Variants in DMD observed in about 807,000 individuals in gnomAD.
DMD encodes mutant dystrophin.
In DMD, 63 loss-of-function variants were observed where a neutral mutation model predicts 330.1. The ratio of observed to expected loss-of-function variants is 0.19; its 90% confidence interval spans 0.16 to 0.24. The LOEUF is 0.24. DMD is among the 10% of genes least tolerant of loss of function. DMD has a pLI of 1.00. For synonymous variants in DMD, 1,223 were observed against 959.8 expected (o/e 1.27, Z -5.07); for missense variants, 3,344 against 2,684.1 (o/e 1.25, Z -5.43).
At chrX:31,449,763 GATATATATATATATATATATAT>G (rs59787771) in intron 59 of DMD, among the ~76,000 whole-genome samples, 2 of 62,472 alleles carry the variant, frequency 3.2e-5, no homozygotes, top group African/African-American at 5.4e-5. Flanking sequence ...TAAATGGTGT[GATATATATATATATATATATAT>G]ATATATATAT....
At chrX:32,594,348 A>C (rs2055277288) in intron 13 of DMD, among the ~76,000 whole-genome samples, 1 of 111,277 alleles carries the variant, frequency 9.0e-6, no homozygotes, top group Admixed American at 9.6e-5. Context: ...GGATGAAGGA[A>C]TTGTGGTGAT....
intron 1 of DMD, among the ~76,000 whole-genome samples, chrX:33,301,107 G>T (rs984456029): frequency 1.2e-4 from 13 of 111,398 alleles, no homozygotes; most frequent in African/African-American, 3.9e-4. Flanking sequence ...AAAGCAGGAG[G>T]TTAAAATAAC....
chrX:32,897,226 A>C lies in DMD; in HGVS notation c.94-47406T>G, dbSNP rs146498750. 3.5e-3 allele frequency among the ~76,000 whole-genome samples: 392 copies of C among 111,653 alleles called. 2 individuals carry two copies. Among genetic ancestry groups the C allele is most frequent in the African/African-American group, 0.012 (364 of 30,741 alleles). On this transcript the variant is annotated intron_variant, in intron 2 of 78. Coordinates refer to ENST00000357033, the MANE Select transcript of DMD (RefSeq NM_004006.3). ...ATAAATTTCTTAATTCATTGTAAAAAATATTAATGGTGACCAAAATTTTAA... is the reference window on the plus strand; with the variant it reads ...ATAAATTTCTTAATTCATTGTAAAACATATTAATGGTGACCAAAATTTTAA...
At chrX:31,360,556 G>C (rs772768948) in intron 60 of DMD, among the ~76,000 whole-genome samples, 13 of 112,480 alleles carry the variant, frequency 1.2e-4, no homozygotes, top group African/African-American at 4.2e-4. Context: ...AGCGAAGAGA[G>C]GATAAGCTGC....
rs1006755666 is a variant in DMD, at chrX:31,318,294, T to C, written c.9224+5304A>G. On this transcript the variant is annotated intron_variant, in intron 62 of 78. Coordinates refer to ENST00000357033, the MANE Select transcript of DMD (RefSeq NM_004006.3). ...CCAACAGGATACAGAGAGCCACATA[T>C]ACCAAAAGGTAAATCTAGACAGATG... Among the ~76,000 whole-genome samples the C allele has an allele frequency of 3.6e-5, 4 of 111,646 alleles. No individual in the cohort carries two copies. The East Asian group carries it at 1.1e-3, about 31-fold the overall frequency.
At chrX:32,733,256 C>T (rs1349804739) in intron 7 of DMD, among the ~76,000 whole-genome samples, 3 of 110,995 alleles carry the variant, frequency 2.7e-5, no homozygotes, top group Non-Finnish European at 5.7e-5. Flanking sequence ...CACCCAGATT[C>T]ATAAAGCAAG....
intron 1 of DMD, among the ~76,000 whole-genome samples, chrX:33,106,316 A>T (rs751889758): frequency 1.8e-3 from 199 of 111,115 alleles, no homozygotes; most frequent in Non-Finnish European, 2.9e-3. Context: ...AAAAAACTAC[A>T]TATTGGGTAC....
intron 1 of DMD, among the ~76,000 whole-genome samples, chrX:33,066,797 C>T (rs1340759878): frequency 1.8e-5 from 2 of 111,675 alleles, no homozygotes; most frequent in Non-Finnish European, 3.8e-5. Context: ...TTAACACCAA[C>T]GATTATGTCA....
intron 50 of DMD, among the ~76,000 whole-genome samples, chrX:31,817,400 T>C (rs6631408): frequency 0.36 from 39,654 of 109,871 alleles, 5,105 homozygotes; most frequent in East Asian, 0.45. Flanking sequence ...ATATTTGAAC[T>C]ACCACAGTAA....
At chrX:31,375,289 T>C (rs1054405322) in intron 60 of DMD, among the ~76,000 whole-genome samples, 3 of 111,866 alleles carry the variant, frequency 2.7e-5, no homozygotes, top group African/African-American at 9.8e-5. Context: ...GCAGCCATAA[T>C]TGCAACTGCA....
intron 47 of DMD, among the ~76,000 whole-genome samples, chrX:31,893,250 T>C (rs1270556443): frequency 8.9e-6 from 1 of 112,017 alleles, no homozygotes; most frequent in African/African-American, 3.2e-5. Flanking sequence ...AAATAGTAGC[T>C]TGTCTTGAAC....
chrX:32,975,090 C>A (rs2092500272), intron 2 of DMD, among the ~76,000 whole-genome samples: 1 of 111,064 alleles, frequency 9.0e-6, no homozygotes, highest in African/African-American at 3.3e-5. Flanking sequence ...TAATCAGGAA[C>A]CAGTGGAAAA....
chrX:32,399,484 T>A (rs893572765), intron 30 of DMD, among the ~76,000 whole-genome samples: 6 of 111,693 alleles, frequency 5.4e-5, no homozygotes, highest in Non-Finnish European at 9.4e-5. Context: ...GAAAAGGGTC[T>A]CAATATCACT....
At position 32,343,150 on chromosome X, in the gene DMD, T is replaced by A. The variant is rs145266970; in HGVS notation, c.5723A>T (p.Asp1908Val). 2.9e-4 allele frequency: 350 copies of A among 1,208,985 alleles called. No individual in the cohort carries two copies. Among genetic ancestry groups the A allele is most frequent in the Non-Finnish European group, 3.7e-4 (330 of 894,568 alleles). The change falls in exon 40 of 79, where the codon GAT becomes GTT. Residue 1908 changes from aspartate (D) to valine (V), a missense_variant. Physicochemically the swap from Asp to Val is radical, Grantham distance 152. Transcript: ENST00000357033. ...KKLASLPEPR[D>V]ERKIKEIDRE... ...CAACATTACCTTTATTTTCCTTTCATCTCTGGGCTCAGGTAGGCTGGCTAA... is the reference window on the plus strand; with the variant it reads ...CAACATTACCTTTATTTTCCTTTCAACTCTGGGCTCAGGTAGGCTGGCTAA...
At chrX:31,160,550 T>G (rs1172034920) in intron 74 of DMD, among the ~76,000 whole-genome samples, 1 of 111,799 alleles carries the variant, frequency 8.9e-6, no homozygotes, top group Non-Finnish European at 1.9e-5. Context: ...TACCAAAGTG[T>G]GTTCCATATA....
chrX:32,796,115 ATG>A (rs34046978), intron 7 of DMD, among the ~76,000 whole-genome samples: 45,034 of 109,941 alleles, frequency 0.41, 7,106 homozygotes, highest in Non-Finnish European at 0.48. Context: ...ATAAGTATAT[ATG>A]TAAAGGGAAA....
intron 1 of DMD, among the ~76,000 whole-genome samples, chrX:33,286,130 A>G (rs750903813): frequency 1.8e-5 from 2 of 111,816 alleles, no homozygotes; most frequent in East Asian, 5.6e-4. Context: ...CATTTGGTAC[A>G]TAATCTGAAT....
At chrX:32,960,151 C>G (rs774246141) in intron 2 of DMD, 1 of 111,941 alleles carries the variant, frequency 8.9e-6, no homozygotes, top group Non-Finnish European at 1.9e-5. Flanking sequence ...AAGTCTCAAC[C>G]GATGATTTAG....
intron 50 of DMD, among the ~76,000 whole-genome samples, chrX:31,818,171 C>T (rs60905997): frequency 0.015 from 1,722 of 111,971 alleles, 31 homozygotes; most frequent in African/African-American, 0.053. Context: ...AATCTGTAGA[C>T]TACACTCTAC....
Sources: allele counts gnomAD v4.1 joint callset (sites outside exome capture counted in the v4.1 genomes callset), GRCh38; gene constraint gnomAD v4.1.1; transcripts MANE v1.5; gene names NCBI Gene and HGNC (gene_info 2026-07-23, HGNC 2026-07-21).